CCND3: variants seen among roughly 807,000 people sequenced by gnomAD.
CCND3 encodes the protein cyclin D3, also known as G1/S-specific cyclin-D3.
In CCND3, 9 loss-of-function variants were observed where a neutral mutation model predicts 28.7. That is an observed-to-expected ratio of 0.31 (90% CI 0.19 to 0.55). CCND3 has a LOEUF of 0.55. Ranked by LOEUF, CCND3 falls within the 20% of genes least tolerant of loss-of-function variation. CCND3 has a pLI of 0.93. For missense variants in CCND3, 315 were observed against 385.8 expected, an observed-to-expected ratio of 0.82 and a Z score of 1.54; for synonymous variants, 164 against 163.9, an observed-to-expected ratio of 1.00 and a Z score of 0.00.
chr6:41,979,555 AT>A lies in CCND3; in HGVS notation c.-45-38971del, dbSNP rs1419936603. Among the ~76,000 whole-genome samples, 219 of 150,454 alleles carry A rather than the reference AT, an allele frequency of 1.5e-3. 1 individual carries two copies. Among genetic ancestry groups the A allele is most frequent in the African/African-American group, 4.3e-3 (176 of 41,136 alleles). On this transcript the variant is annotated intron_variant, in intron 1 of 4. Coordinates refer to the CCND3 transcript ENST00000372988. ...CTTCAAAAAAAAAAAAAAAAGAAAA[AT>A]ATATATATATGTTCAATATATTCAA... is the stretch of plus-strand genomic sequence containing the variant.
rs1179326729 is a variant in CCND3, at chr6:41,935,955, T to G, written c.864A>C (p.Thr288=). ...PSQTSTPTDV[T]AIHL ...CTCTCCAGGGCTACAGGTGTATGGC[T>G]GTGACATCTGTAGGAGTGCTGGTCT... Residue 288 remains threonine (T), a synonymous_variant, in exon 5 of 5, where the codon ACA becomes ACC. Coordinates refer to ENST00000372991, the MANE Select transcript of CCND3 (RefSeq NM_001760.5). The G allele has an allele frequency of 3.1e-6, 5 of 1,611,666 alleles. No individual in the cohort carries two copies. In the Admixed American group the frequency reaches 8.4e-5, roughly 27 times the overall value.
rs759628343 is a variant in CCND3 at position 42,048,295 on chromosome 6, C to T, written c.-46+206G>A. 41 of 317,322 alleles carry T rather than the reference C, an allele frequency of 1.3e-4. No individual in the cohort carries two copies. Among genetic ancestry groups the T allele is most frequent in the Middle Eastern group, 6.4e-4 (1 of 1,554 alleles). 19.7% of individuals were successfully genotyped at this position (317,322 alleles called of 1,614,324 possible). A position where few individuals can be genotyped will look rare whatever the true frequency, so the allele number is the denominator to read the frequency against. The stretch of plus-strand genomic sequence containing the variant: ...TGCCGATGTGTGTACATACAGAGGG[C>T]TCAGGGCCTTTGGGGGTTTCTCTGC... On this transcript the variant is annotated intron_variant, in intron 1 of 4. Transcript: ENST00000372988. The surrounding 1 kb of genome is among the most constrained non-coding windows in gnomAD (Gnocchi z 4.7).
chr6:41,939,621 A>G lies in CCND3; in HGVS notation c.414+749T>C, dbSNP rs780676913. On this transcript the variant is annotated intron_variant, in intron 2 of 4. Coordinates refer to ENST00000372991, the MANE Select transcript of CCND3 (RefSeq NM_001760.5). This position sits in a 1 kb window ranked among gnomAD's most constrained non-coding sequence, Gnocchi z 4.2. ...GGGTTATGAAAGACCTTGGTCAGAG[A>G]GGGCGGGCCAGGGGAGGGGGCACCA... 1.3e-5 allele frequency among the ~76,000 whole-genome samples: 2 copies of G among 152,080 alleles called. No individual in the cohort carries two copies. Among genetic ancestry groups the G allele is most frequent in the Non-Finnish European group, 2.9e-5 (2 of 68,004 alleles).
chr6:41,941,179 GGAGA>G lies in CCND3; in HGVS notation c.198+269_198+272del. 1.4e-6 allele frequency: 2 copies of G among 1,448,234 alleles called. No individual in the cohort carries two copies. Among genetic ancestry groups the G allele is most frequent in the Non-Finnish European group, 1.8e-6 (2 of 1,106,014 alleles). 89.7% of individuals were successfully genotyped at this position (1,448,234 alleles called of 1,614,324 possible). A position where few individuals can be genotyped will look rare whatever the true frequency, so the allele number is the denominator to read the frequency against. ...GGGAGACGCTGTGAGAAGCCGAAGGGGAGAGAGTGTCCTTGGTCCCGTTTGCTCG... is the reference window on the plus strand; with the variant it reads ...GGGAGACGCTGTGAGAAGCCGAAGGGGAGTGTCCTTGGTCCCGTTTGCTCG... On this transcript the variant is annotated intron_variant, in intron 1 of 4. Coordinates refer to ENST00000372991, the MANE Select transcript of CCND3 (RefSeq NM_001760.5). This position sits in a 1 kb window ranked among gnomAD's most constrained non-coding sequence, Gnocchi z 6.1.
At chr6:41,951,675 T>G (rs188418426) in intron 1 of CCND3, among the ~76,000 whole-genome samples, 4 of 151,872 alleles carry the variant, frequency 2.6e-5, no homozygotes, top group Admixed American at 6.6e-5. Context: ...GTCCCCAGTG[T>G]GGCACAACAC....
At chr6:42,028,852 C>T (rs769737528) in intron 1 of CCND3, among the ~76,000 whole-genome samples, 4 of 152,230 alleles carry the variant, frequency 2.6e-5, no homozygotes, top group Admixed American at 6.5e-5. Flanking sequence ...GTTCAATACA[C>T]GTTCGTGTTC....
chr6:41,967,758 ACTTGCAGAAC>A (rs1429575718), intron 1 of CCND3, among the ~76,000 whole-genome samples: 1 of 152,184 alleles, frequency 6.6e-6, no homozygotes, highest in Admixed American at 6.5e-5. Flanking sequence ...CGTCAAAGTG[ACTTGCAGAAC>A]CTGTTAACTA....
intron 1 of CCND3, among the ~76,000 whole-genome samples, chr6:42,008,330 A>G (rs1162205113): frequency 2.6e-5 from 4 of 152,308 alleles, no homozygotes; most frequent in Middle Eastern, 3.4e-3. Flanking sequence ...GTGAGCTGAG[A>G]TCATGCCGCT....
intron 1 of CCND3, among the ~76,000 whole-genome samples, chr6:41,996,104 C>T (rs1582143058): frequency 7.8e-6 from 1 of 128,072 alleles, no homozygotes; most frequent in African/African-American, 2.7e-5. Context: ...AGAGAATCTG[C>T]TCTCATATAT....
chr6:42,026,924 C>G (rs1763892014), intron 1 of CCND3, among the ~76,000 whole-genome samples: 1 of 152,202 alleles, frequency 6.6e-6, no homozygotes, highest in African/African-American at 2.4e-5. Context: ...AGATCACCCA[C>G]CCGGATCTGT....
intron 1 of CCND3, among the ~76,000 whole-genome samples, chr6:41,971,775 T>C (rs958698136): frequency 6.6e-6 from 1 of 150,642 alleles, no homozygotes; most frequent in African/African-American, 2.4e-5. Flanking sequence ...CTTGACGTCA[T>C]GATCCGCCCG....
chr6:41,966,575 C>T (rs2127406429), intron 1 of CCND3, among the ~76,000 whole-genome samples: 1 of 152,218 alleles, frequency 6.6e-6, no homozygotes, highest in Non-Finnish European at 1.5e-5. Context: ...CCCCACCGAA[C>T]CAGGAATTAT....
intron 1 of CCND3, among the ~76,000 whole-genome samples, chr6:42,001,686 G>C (rs1490728460): frequency 6.6e-6 from 1 of 152,146 alleles, no homozygotes; most frequent in Admixed American, 6.6e-5. Flanking sequence ...AGGATAGCCT[G>C]AGCAGCACAG....
At chr6:42,019,690 G>A (rs892587310) in intron 1 of CCND3, among the ~76,000 whole-genome samples, 2 of 151,978 alleles carry the variant, frequency 1.3e-5, no homozygotes, top group African/African-American at 4.8e-5. Context: ...TTTTCCCTGA[G>A]GGATAGGACT....
intron 1 of CCND3, 45 bp from the exon 2 acceptor site, chr6:41,940,630 A>G: frequency 8.7e-7 from 1 of 1,154,658 alleles, no homozygotes; most frequent in Admixed American, 1.8e-5. Flanking sequence ...AGCGTGGGGA[A>G]CACAGCAGCG....
chr6:42,040,465 C>G (rs13206037), intron 1 of CCND3, among the ~76,000 whole-genome samples: 22,908 of 152,000 alleles, frequency 0.15, 2,160 homozygotes, highest in Non-Finnish European at 0.21. Context: ...TGACTGAGGT[C>G]AGAGTTATTT....
chr6:42,003,297 A>T (rs1330857238), intron 1 of CCND3, among the ~76,000 whole-genome samples: 1 of 151,916 alleles, frequency 6.6e-6, no homozygotes, highest in Non-Finnish European at 1.5e-5. Context: ...AAGCCGAGAC[A>T]GGTGGATTAC....
chr6:41,947,135 C>T (rs1414381885), intron 1 of CCND3, among the ~76,000 whole-genome samples: 1 of 151,870 alleles, frequency 6.6e-6, no homozygotes, highest in African/African-American at 2.4e-5. Flanking sequence ...GAAGGAGAAT[C>T]GCTTGAACCC....
chr6:42,036,401 A>ATTT (rs1358950642), intron 1 of CCND3, among the ~76,000 whole-genome samples: 858 of 33,978 alleles, frequency 0.025, 42 homozygotes, highest in East Asian at 0.047. Flanking sequence ...ATATATATAT[A>ATTT]TATTTTTTTT....
Sources: gnomAD v4.1 joint callset for allele counts (sites outside exome capture counted in the v4.1 genomes callset) on GRCh38, gnomAD v4.1.1 for gene constraint, Gnocchi (gnomAD v3.1) non-coding constraint, MANE v1.5 for transcripts, NCBI Gene and HGNC (gene_info 2026-07-23, HGNC 2026-07-21) for gene names.